PDE8B: variants seen among roughly 807,000 people sequenced by gnomAD.
PDE8B encodes phosphodiesterase 8B, also known as high affinity cAMP-specific and IBMX-insensitive 3',5'-cyclic phosphodiesterase 8B.
Under a neutral mutation model 101.3 loss-of-function variants are expected in PDE8B, and 26 were observed. That is an observed-to-expected ratio of 0.26 (90% confidence interval 0.19 to 0.36). The LOEUF (loss-of-function observed/expected upper bound fraction) is 0.36. Ranked by LOEUF, PDE8B falls within the 10% of genes least tolerant of loss-of-function variation. The pLI is 1.00. For missense variants in PDE8B, 810 were observed against 1,163.1 expected (o/e 0.70, Z 4.42); for synonymous variants, 424 against 429.3 (o/e 0.99, Z 0.15).
intron 1 of PDE8B, chr5:77,291,033 C>T (rs1354154217): frequency 1.2e-6 from 2 of 1,611,964 alleles, no homozygotes; most frequent in Non-Finnish European, 1.7e-6. Context: ...ACAGATGGCC[C>T]TGATGGTGCA....
chr5:77,305,025 G>T (rs1770860688), intron 1 of PDE8B, among the ~76,000 whole-genome samples: 1 of 152,162 alleles, frequency 6.6e-6, no homozygotes, highest in East Asian at 1.9e-4. Flanking sequence ...TGAGTAAATG[G>T]ATATGTAATA....
At chr5:77,398,936 T>A in intron 10 of PDE8B, among the ~76,000 whole-genome samples, 1 of 152,126 alleles carries the variant, frequency 6.6e-6, no homozygotes, top group East Asian at 1.9e-4. Flanking sequence ...TACCCCAAAG[T>A]CCGAGGAAGC....
At chr5:77,291,044 G>A in intron 1 of PDE8B, 8 of 1,611,972 alleles carry the variant, frequency 5.0e-6, no homozygotes, top group Admixed American at 1.7e-5. Flanking sequence ...TGATGGTGCA[G>A]GAGAGGTTTG....
At chr5:77,110,609 G>A in the PDE8B span, among the ~76,000 whole-genome samples, 2 of 152,204 alleles carry the variant, frequency 1.3e-5, no homozygotes, top group African/African-American at 4.8e-5. Context: ...GCAAGGCAGA[G>A]CAAATAGATA....
intron 10 of PDE8B, among the ~76,000 whole-genome samples, chr5:77,388,925 C>A (rs906921717): frequency 1.3e-5 from 2 of 152,152 alleles, no homozygotes; most frequent in Admixed American, 6.5e-5. Flanking sequence ...CCTCCCCACG[C>A]CAAGCTCAAG....
the PDE8B span, among the ~76,000 whole-genome samples, chr5:77,187,698 T>C: frequency 6.6e-6 from 1 of 152,332 alleles, no homozygotes; most frequent in African/African-American, 2.4e-5. Flanking sequence ...CTCCTACCCA[T>C]ACCAAGGTGT....
At chr5:77,207,742 A>G (rs1480582531), upstream of PDE8B, among the ~76,000 whole-genome samples, 2 of 152,138 alleles carry the variant, frequency 1.3e-5, no homozygotes, top group African/African-American at 4.8e-5. Flanking sequence ...TTTCCCCTCC[A>G]CTTGCACACT....
At chr5:77,199,226 G>A in the PDE8B span, among the ~76,000 whole-genome samples, 1 of 152,186 alleles carries the variant, frequency 6.6e-6, no homozygotes. Flanking sequence ...TATTAAAAAT[G>A]TAATCAGTGT....
In PDE8B at chr5:77,349,456, A is replaced by G. The variant is rs121918360; in HGVS notation, c.914A>G (p.His305Arg). 1 of 1,614,204 alleles carries G rather than the reference A, an allele frequency of 6.2e-7. No individual in the cohort carries two copies. The highest frequency in any genetic ancestry group is 1.3e-5 in the African/African-American group (1 of 75,056). Residue 305 changes from histidine (H) to arginine (R), a missense_variant, in exon 8 of 22, where the codon CAC becomes CGC. This residue lies in a region of PDE8B where 251 missense variants were observed against 378.8 expected (regional missense o/e 0.66). Transcript: ENST00000264917. ...NPAFERMMGY[H>R]KGELLGKELA... ...GCCTTCGAAAGGATGATGGGCTACCACAAAGGTGAGCTCCTGGGAAAAGAA... is the reference window on the plus strand; with the variant it reads ...GCCTTCGAAAGGATGATGGGCTACCGCAAAGGTGAGCTCCTGGGAAAAGAA...
intron 1 of PDE8B, among the ~76,000 whole-genome samples, chr5:77,213,642 A>T (rs551108088): frequency 6.6e-6 from 1 of 152,358 alleles, no homozygotes; most frequent in East Asian, 1.9e-4. Flanking sequence ...TCCAAAGCAC[A>T]CAGGTGGAAA....
chr5:77,182,585 G>T, the PDE8B span, among the ~76,000 whole-genome samples: 1 of 152,102 alleles, frequency 6.6e-6, no homozygotes, highest in Non-Finnish European at 1.5e-5. Context: ...GCTCATGGAG[G>T]CCGCTTACAT....
chr5:77,347,045 T>A (rs1401345791), intron 7 of PDE8B, among the ~76,000 whole-genome samples: 1 of 152,194 alleles, frequency 6.6e-6, no homozygotes, highest in Non-Finnish European at 1.5e-5. Flanking sequence ...TCTGTGTCTG[T>A]CTATCCATCT....
At chr5:77,192,750 TAG>T in the PDE8B span, among the ~76,000 whole-genome samples, 1 of 152,232 alleles carries the variant, frequency 6.6e-6, no homozygotes, top group African/African-American at 2.4e-5. Context: ...AAGAAAATAT[TAG>T]AGACTGCTGT....
intron 20 of PDE8B, among the ~76,000 whole-genome samples, chr5:77,423,661 A>ATTTTTTTTTTTTTTTTTTTTTTTTTT (rs1797245306): frequency 4.0e-5 from 1 of 24,966 alleles, no homozygotes; most frequent in African/African-American, 1.3e-4. Context: ...TTTTTTTTTG[A>ATTTTTTTTTTTTTTTTTTTTTTTTTT]GACAGTCTTG....
chr5:77,280,274 G>T (rs753561276), intron 1 of PDE8B, among the ~76,000 whole-genome samples: 15 of 152,296 alleles, frequency 9.8e-5, no homozygotes, highest in Middle Eastern at 3.4e-3. Flanking sequence ...TCTTCAGGCA[G>T]TCACGTGCAA....
At chr5:77,326,830 A>G (rs1380189178) in intron 3 of PDE8B, among the ~76,000 whole-genome samples, 1 of 152,204 alleles carries the variant, frequency 6.6e-6, no homozygotes, top group South Asian at 2.1e-4. Flanking sequence ...TGTAGTAGAA[A>G]TATCACACTT....
chr5:77,332,718 T>C (rs1207701930), intron 5 of PDE8B, among the ~76,000 whole-genome samples: 1 of 151,576 alleles, frequency 6.6e-6, no homozygotes, highest in African/African-American at 2.4e-5. Flanking sequence ...ATGCCTATAA[T>C]CCCAGCTACT....
intron 1 of PDE8B, among the ~76,000 whole-genome samples, chr5:77,242,113 T>C (rs1301554356): frequency 6.6e-6 from 1 of 152,234 alleles, no homozygotes; most frequent in Non-Finnish European, 1.5e-5. Context: ...CTGGCGAGAA[T>C]GCATGGAGCA....
Position 77,409,057 on chromosome 5 carries a change from T to C in PDE8B, c.1530T>C (p.Thr510=), listed in dbSNP as rs1476558901. 1 of 1,613,682 alleles carries C rather than the reference T, an allele frequency of 6.2e-7. No individual in the cohort carries two copies. Among genetic ancestry groups the C allele is most frequent in the African/African-American group, 1.3e-5 (1 of 75,028 alleles). Residue 510 remains threonine (T), a splice_region_variant and synonymous_variant, in exon 14 of 22, where the codon ACT becomes ACC. Transcript: ENST00000264917. The part of the protein sequence containing the change: ...HTSDLVGGLM[T]DGLRRLSGNE... ...GTGATCTTGTTGGAGGCCTGATGACTGTGAGTGATGAGGCAAAACCTGAAA... is the reference window on the plus strand; with the variant it reads ...GTGATCTTGTTGGAGGCCTGATGACCGTGAGTGATGAGGCAAAACCTGAAA...
Sources: gnomAD v4.1 joint callset for allele counts (sites outside exome capture counted in the v4.1 genomes callset) on GRCh38, gnomAD v4.1.1 for gene constraint, gnomAD v4.1.1 regional missense constraint, MANE v1.5 for transcripts, NCBI Gene and HGNC (gene_info 2026-07-23, HGNC 2026-07-21) for gene names.